Variants in RAB3C observed in about 807,000 individuals in gnomAD.
RAB3C encodes RAB3C, member RAS oncogene family.
Under a neutral mutation model 26.4 loss-of-function variants are expected in RAB3C, and 17 were observed. The ratio of observed to expected loss-of-function variants is 0.64; its 90% CI spans 0.44 to 0.97. The LOEUF is 0.97. Among genes scored for constraint, RAB3C ranks in the 50% least tolerant of loss-of-function variants. RAB3C has a pLI of 0.00. For missense variants in RAB3C, 242 were observed against 281.9 expected, an observed-to-expected ratio of 0.86 and a Z score of 1.01; for synonymous variants, 91 against 95.9, an observed-to-expected ratio of 0.95 and a Z score of 0.30.
chr5:58,773,691 G>A (rs1245597995), intron 3 of RAB3C, among the ~76,000 whole-genome samples: 1 of 152,094 alleles, frequency 6.6e-6, no homozygotes, highest in Non-Finnish European at 1.5e-5. Flanking sequence ...TCAATCAGTG[G>A]CATTCCTCAA....
chr5:58,708,514 G>T (rs1748996062), intron 2 of RAB3C, among the ~76,000 whole-genome samples: 1 of 152,156 alleles, frequency 6.6e-6, no homozygotes, highest in Non-Finnish European at 1.5e-5. Flanking sequence ...CCCAGCTGGA[G>T]AAGTTTCTGT....
chr5:58,641,409 A>G (rs571081500), intron 2 of RAB3C, among the ~76,000 whole-genome samples: 1 of 152,334 alleles, frequency 6.6e-6, no homozygotes, highest in East Asian at 1.9e-4. Context: ...TTATTTTCAT[A>G]TTGGTCAAAA....
chr5:58,752,029 T>G (rs1315334692), intron 3 of RAB3C, among the ~76,000 whole-genome samples: 1 of 151,850 alleles, frequency 6.6e-6, no homozygotes, highest in Non-Finnish European at 1.5e-5. Flanking sequence ...ATTCCAGACT[T>G]GCCTAAACTG....
chr5:58,702,718 A>G (rs929480891), intron 2 of RAB3C, among the ~76,000 whole-genome samples: 2 of 152,078 alleles, frequency 1.3e-5, no homozygotes, highest in African/African-American at 2.4e-5. Context: ...TCTAAAAGAA[A>G]GATAATAAGA....
At chr5:58,756,564 TC>T (rs1741670582) in intron 3 of RAB3C, among the ~76,000 whole-genome samples, 1 of 148,952 alleles carries the variant, frequency 6.7e-6, no homozygotes, top group Non-Finnish European at 1.5e-5. Context: ...GGTGTGTTGT[TC>T]CCCTCCCTGT....
rs147626783 is a variant in RAB3C at position 58,845,594 on chromosome 5, C to CTATATATATATATATATATA, written c.497-5551_497-5550insATATATATATATATATATAT. On this transcript the variant is annotated intron_variant, in intron 4 of 4. Transcript: ENST00000282878. ...CATTCATTTAGGACAGTGATTCTTA[C>CTATATATATATATATATATA]TATATATATATATATATATGTGTGT... is the stretch of plus-strand genomic sequence containing the variant. Among the ~76,000 whole-genome samples the CTATATATATATATATATATA allele has an allele frequency of 9.9e-4, 74 of 74,504 alleles. 1 individual carries two copies. Among genetic ancestry groups the CTATATATATATATATATATA allele is most frequent in the African/African-American group, 3.6e-3 (58 of 16,178 alleles). The allele number at this position is 74,504 out of a possible 152,430, so 48.9% of individuals were successfully genotyped here. A position where few individuals can be genotyped will look rare whatever the true frequency, so the allele number is the denominator to read the frequency against.
chr5:58,645,686 G>A (rs1451310272), intron 2 of RAB3C, among the ~76,000 whole-genome samples: 1 of 152,200 alleles, frequency 6.6e-6, no homozygotes, highest in Non-Finnish European at 1.5e-5. Context: ...GGATATCATA[G>A]CATTTTCATG....
At chr5:58,795,451 C>G (rs910691175) in intron 3 of RAB3C, among the ~76,000 whole-genome samples, 3 of 152,126 alleles carry the variant, frequency 2.0e-5, no homozygotes, top group African/African-American at 7.2e-5. Context: ...GAACTCAGGC[C>G]ATAGGAAGCC....
rs1211468458 is a variant in RAB3C, at chr5:58,612,512, G to A, written c.25-5131G>A. Among the ~76,000 whole-genome samples the A allele has an allele frequency of 3.0e-4, 21 of 70,234 alleles. 1 individual carries two copies. The highest frequency in any genetic ancestry group is 9.5e-4 in the African/African-American group (12 of 12,658). The allele number at this position is 70,234 out of a possible 152,430, so 46.1% of individuals were successfully genotyped here. On this transcript the variant is annotated intron_variant, in intron 1 of 4. Coordinates refer to ENST00000282878, the MANE Select transcript of RAB3C (RefSeq NM_138453.4). ...GGTGTGTGTGTGTGTGTGTGTGTGT[G>A]TGTGTGTGTATATATATATATATAT...
At chr5:58,594,304 A>G (rs559023621) in intron 1 of RAB3C, among the ~76,000 whole-genome samples, 2 of 152,282 alleles carry the variant, frequency 1.3e-5, no homozygotes, top group South Asian at 4.1e-4. Flanking sequence ...GTTAGCTCTA[A>G]TAGAAGATAG....
intron 3 of RAB3C, among the ~76,000 whole-genome samples, chr5:58,744,016 C>T (rs972650393): frequency 6.6e-6 from 1 of 152,034 alleles, no homozygotes; most frequent in Non-Finnish European, 1.5e-5. Flanking sequence ...AATTGTTTAC[C>T]AGTGTGTTTT....
intron 2 of RAB3C, among the ~76,000 whole-genome samples, chr5:58,632,846 T>G (rs992865488): frequency 1.3e-5 from 2 of 152,222 alleles, no homozygotes; most frequent in Non-Finnish European, 2.9e-5. Context: ...TCTGTCTGAT[T>G]GCTAACTTTG....
At chr5:58,770,923 A>C (rs1455497245) in intron 3 of RAB3C, among the ~76,000 whole-genome samples, 2 of 152,210 alleles carry the variant, frequency 1.3e-5, no homozygotes, top group East Asian at 3.8e-4. Context: ...ATTACAGAAT[A>C]CTTAATAAAT....
chr5:58,857,437 A>C lies in RAB3C; in HGVS notation c.*6086A>C, dbSNP rs1744289736. The C allele has an allele frequency of 6.6e-6, 1 of 152,184 alleles. No individual in the cohort carries two copies. Among genetic ancestry groups the C allele is most frequent in the South Asian group, 2.1e-4 (1 of 4,836 alleles). 9.4% of individuals were successfully genotyped at this position (152,184 alleles called of 1,614,324 possible). On this transcript the variant is annotated 3_prime_UTR_variant, in exon 5 of 5. Coordinates refer to ENST00000282878, the MANE Select transcript of RAB3C (RefSeq NM_138453.4). ...CCTTCTATAACTCAAAATTTTCTTT[A>C]AGTGTCATATAAAAGTGTACATTTT...
chr5:58,794,754 G>A (rs1246265891), intron 3 of RAB3C, among the ~76,000 whole-genome samples: 1 of 152,206 alleles, frequency 6.6e-6, no homozygotes. Flanking sequence ...AGAAAGTGAG[G>A]CGCAGAGGAG....
Position 58,858,881 on chromosome 5 carries a change from A to G in RAB3C, c.*7530A>G, listed in dbSNP as rs916214912. On this transcript the variant is annotated 3_prime_UTR_variant, in exon 5 of 5. Coordinates refer to ENST00000282878, the MANE Select transcript of RAB3C (RefSeq NM_138453.4). Reference sequence around the variant, plus strand: ...ATGCAAATTGCTTTAATGCCATATTACGGCAGTTGATTTAGACATTTGCCA... The same window carrying G: ...ATGCAAATTGCTTTAATGCCATATTGCGGCAGTTGATTTAGACATTTGCCA... 5 of 152,202 alleles carry G rather than the reference A, an allele frequency of 3.3e-5. No individual in the cohort carries two copies. Among genetic ancestry groups the G allele is most frequent in the African/African-American group, 1.2e-4 (5 of 41,456 alleles). The allele number at this position is 152,202 out of a possible 1,614,324, so 9.4% of individuals were successfully genotyped here.
intron 3 of RAB3C, among the ~76,000 whole-genome samples, chr5:58,768,639 G>A (rs1376636992): frequency 6.6e-6 from 1 of 151,982 alleles, no homozygotes; most frequent in Non-Finnish European, 1.5e-5. Flanking sequence ...ATGAAAGAGG[G>A]GATCATATGA....
At chr5:58,690,202 C>T (rs990591476) in intron 2 of RAB3C, among the ~76,000 whole-genome samples, 10 of 151,994 alleles carry the variant, frequency 6.6e-5, no homozygotes, top group Non-Finnish European at 1.0e-4. Context: ...AATTCTATAG[C>T]CATTTGAGAT....
intron 2 of RAB3C, among the ~76,000 whole-genome samples, chr5:58,691,272 T>G (rs1430461209): frequency 1.3e-5 from 2 of 152,176 alleles, no homozygotes; most frequent in Non-Finnish European, 2.9e-5. Context: ...GAATGTATAA[T>G]GAAGTTTCTT....
Sources: allele counts gnomAD v4.1 joint callset (sites outside exome capture counted in the v4.1 genomes callset), GRCh38; gene constraint gnomAD v4.1.1; transcripts MANE v1.5; gene names NCBI Gene and HGNC (gene_info 2026-07-23, HGNC 2026-07-21).